Variants in EML6 observed in about 807,000 individuals in gnomAD.
EML6 encodes the protein echinoderm microtubule-associated protein-like 6.
Under a neutral mutation model 240.1 loss-of-function variants are expected in EML6, and 154 were observed. The observed-to-expected ratio is 0.64, with a 90% CI of 0.56 to 0.73. EML6 has a LOEUF of 0.73. EML6 is among the 30% of genes least tolerant of loss of function. EML6 has a pLI of 0.00. For synonymous variants in EML6, 1,148 were observed against 899.0 expected (o/e 1.28, Z -4.95); for missense variants, 2,964 against 2,474.6 (o/e 1.20, Z -4.20).
chr2:54,881,770 A>G (rs1671825645), intron 17 of EML6: 1 of 152,226 alleles, frequency 6.6e-6, no homozygotes, highest in Non-Finnish European at 1.5e-5. Context: ...CCTAATTCAC[A>G]GAGAAGCTGA....
Position 54,820,396 on chromosome 2 carries a change from T to C in EML6, c.459T>C (p.Ile153=), listed in dbSNP as rs1668278407. ...LASATGHSDR[I]FDISWDPYQP... ...GCAACTTTTAATGTTTTGAACAGATTTTTGATATTTCCTGGGATCCATATC... is the reference window on the plus strand; with the variant it reads ...GCAACTTTTAATGTTTTGAACAGATCTTTGATATTTCCTGGGATCCATATC... The change falls in exon 5 of 42, where the codon ATT becomes ATC. Residue 153 remains isoleucine (I), a splice_region_variant and synonymous_variant. Transcript: ENST00000356458. 1 of 1,548,098 alleles carries C rather than the reference T, an allele frequency of 6.5e-7. No individual in the cohort carries two copies. Among genetic ancestry groups the C allele is most frequent in the Admixed American group, 2.0e-5 (1 of 50,678 alleles).
intron 5 of EML6, among the ~76,000 whole-genome samples, chr2:54,824,549 A>G (rs537610972): frequency 6.6e-6 from 1 of 152,308 alleles, no homozygotes; most frequent in South Asian, 2.1e-4. Context: ...CTCAAAGAAA[A>G]TACTTTCATC....
At position 54,904,831 on chromosome 2, in the gene EML6, C is replaced by T. The variant is rs1256564185; in HGVS notation, c.3409+1329C>T. Among the ~76,000 whole-genome samples the T allele has an allele frequency of 3.9e-5, 6 of 152,152 alleles. No homozygotes were observed. In the South Asian group the frequency reaches 1.0e-3, roughly 26 times the overall value. ...ATCAGGAGAACGATGATGAAGGCCT[C>T]TGCCAAAAAGGTTATTTCAGAGTAT... On this transcript the variant is annotated intron_variant, in intron 24 of 41. Coordinates refer to ENST00000356458, the MANE Select transcript of EML6 (RefSeq NM_001039753.4).
At position 54,957,818 on chromosome 2, in the gene EML6, C is replaced by T; in HGVS notation, c.4515C>T (p.His1505=). Residue 1505 remains histidine, a synonymous_variant, in exon 33 of 42, where the codon CAC becomes CAT. Coordinates refer to ENST00000356458, the MANE Select transcript of EML6 (RefSeq NM_001039753.4). Reference sequence around the variant, plus strand: ...CCAAGGTTGCCAGCCGAGGGGGTCACCTGGAGCGCATATTTGTGGTGGAAT... The same window carrying T: ...CCAAGGTTGCCAGCCGAGGGGGTCATCTGGAGCGCATATTTGTGGTGGAAT... ...EGAKVASRGG[H]LERIFVVEFR... is the part of the protein sequence containing the mutation. 6.5e-7 allele frequency: 1 copy of T among 1,550,042 alleles called. No homozygotes were observed. Among genetic ancestry groups the T allele is most frequent in the East Asian group, 2.4e-5 (1 of 40,924 alleles).
At chr2:54,833,727 G>A (rs1206074235) in intron 7 of EML6, among the ~76,000 whole-genome samples, 3 of 152,154 alleles carry the variant, frequency 2.0e-5, no homozygotes, top group Non-Finnish European at 4.4e-5. Flanking sequence ...TGCATCTTTT[G>A]TGAGTTATTG....
intron 2 of EML6, among the ~76,000 whole-genome samples, chr2:54,736,282 T>G (rs1206651612): frequency 1.3e-5 from 2 of 152,218 alleles, no homozygotes; most frequent in African/African-American, 4.8e-5. Flanking sequence ...TTGTTTTTAT[T>G]AACCTTTTCT....
intron 9 of EML6, among the ~76,000 whole-genome samples, chr2:54,848,725 A>C (rs1159039732): frequency 1.3e-5 from 2 of 152,212 alleles, no homozygotes; most frequent in Non-Finnish European, 2.9e-5. Context: ...GCTAGTTGTC[A>C]TAATCCTGTC....
At chr2:54,914,583 C>T (rs1254197541) in intron 25 of EML6, among the ~76,000 whole-genome samples, 2 of 152,082 alleles carry the variant, frequency 1.3e-5, no homozygotes, top group Admixed American at 1.3e-4. Flanking sequence ...ATTTGTTACC[C>T]TGTGGTGCAC....
At chr2:54,827,491 G>A in intron 5 of EML6, 75 bp from the exon 6 acceptor site, 1 of 1,227,624 alleles carries the variant, frequency 8.1e-7, no homozygotes, top group Non-Finnish European at 1.2e-6. Context: ...GAAATGCACT[G>A]AAGTATAAAT....
intron 21 of EML6, among the ~76,000 whole-genome samples, chr2:54,895,822 C>G (rs1353413932): frequency 2.6e-5 from 4 of 152,180 alleles, no homozygotes; most frequent in Non-Finnish European, 5.9e-5. Flanking sequence ...TTTCAGCTCC[C>G]AGAGGCTGCC....
intron 9 of EML6, among the ~76,000 whole-genome samples, chr2:54,847,956 G>T (rs1339359740): frequency 6.6e-6 from 1 of 152,128 alleles, no homozygotes; most frequent in Non-Finnish European, 1.5e-5. Context: ...GCCCCCACTG[G>T]GGATGTTACA....
At chr2:54,936,167 T>C (rs1675124300) in intron 28 of EML6, among the ~76,000 whole-genome samples, 1 of 152,250 alleles carries the variant, frequency 6.6e-6, no homozygotes, top group African/African-American at 2.4e-5. Context: ...TTTTTTGTTC[T>C]TATCAAATTA....
intron 2 of EML6, among the ~76,000 whole-genome samples, chr2:54,739,867 A>T (rs1303247322): frequency 6.6e-6 from 1 of 152,200 alleles, no homozygotes; most frequent in African/African-American, 2.4e-5. Context: ...GGTGTGAAGT[A>T]ATTGTGGTAG....
intron 16 of EML6, among the ~76,000 whole-genome samples, chr2:54,876,436 G>A (rs1203848499): frequency 2.6e-5 from 4 of 152,090 alleles, no homozygotes; most frequent in African/African-American, 7.2e-5. Flanking sequence ...TTAGAAAGGT[G>A]GTATAACAGT....
At chr2:54,889,644 C>G (rs114840403) in intron 17 of EML6, among the ~76,000 whole-genome samples, 2 of 151,754 alleles carry the variant, frequency 1.3e-5, no homozygotes, top group African/African-American at 2.4e-5. Context: ...TATACTGTAC[C>G]TTTACTAAAA....
chr2:54,805,985 A>G (rs989643328), intron 2 of EML6, among the ~76,000 whole-genome samples: 2 of 152,164 alleles, frequency 1.3e-5, no homozygotes, highest in Non-Finnish European at 2.9e-5. Flanking sequence ...CTATGGATTC[A>G]ATTCTATACC....
rs991683910 is a variant in EML6 at position 54,869,314 on chromosome 2, G to A, written c.2185G>A (p.Asp729Asn). ...GAGGCTGTACCTGGGGCACGATGAC[G>A]ACATTCTCAGCCTGACCATCCATCC... ...SQRLYLGHDD[D>N]ILSLTIHPVK... is the part of the protein sequence containing the mutation. Residue 729 changes from aspartate to asparagine, a missense_variant, in exon 15 of 42, where the codon GAC (aspartate) becomes AAC (asparagine). Physicochemically the swap from Asp to Asn is conservative, Grantham distance 23. Transcript: ENST00000356458. 54 of 1,551,544 alleles carry A rather than the reference G, an allele frequency of 3.5e-5. No individual in the cohort carries two copies. Among genetic ancestry groups the A allele is most frequent in the African/African-American group, 3.0e-4 (22 of 73,046 alleles).
chr2:54,734,949 C>A (rs1029516664), intron 2 of EML6, among the ~76,000 whole-genome samples: 2 of 152,332 alleles, frequency 1.3e-5, no homozygotes, highest in African/African-American at 4.8e-5. Context: ...TCCCTGGCTT[C>A]TCTTCCAGCC....
intron 7 of EML6, among the ~76,000 whole-genome samples, chr2:54,842,045 G>A (rs767857810): frequency 6.6e-6 from 1 of 152,042 alleles, no homozygotes; most frequent in Admixed American, 6.6e-5. Flanking sequence ...TGGTACATTT[G>A]TTCCAGTGGG....
Sources: allele counts gnomAD v4.1 joint callset (sites outside exome capture counted in the v4.1 genomes callset), GRCh38; gene constraint gnomAD v4.1.1; transcripts MANE v1.5; gene names NCBI Gene and HGNC (gene_info 2026-07-23, HGNC 2026-07-21).